The following TRAF5 variants were observed in gnomAD, a reference collection of about 807,000 sequenced individuals.
TRAF5 encodes the protein TNF receptor-associated factor 5.
In TRAF5, 48 loss-of-function variants were observed where a neutral mutation model predicts 64.5. The ratio of observed to expected loss-of-function variants is 0.74; its 90% CI spans 0.59 to 0.95. TRAF5 has a LOEUF of 0.95. Ranked by LOEUF, TRAF5 falls within the 40% of genes least tolerant of loss-of-function variation. The pLI, the probability that TRAF5 is intolerant of heterozygous loss-of-function variation, is 0.00. For synonymous variants in TRAF5, 206 were observed against 240.5 expected (o/e 0.86, Z 1.33); for missense variants, 545 against 662.8 (o/e 0.82, Z 1.95).
At chr1:211,371,523 C>G (rs1218079856) in intron 10 of TRAF5, 53 bp downstream of exon 10, 1 of 1,552,782 alleles carries the variant, frequency 6.4e-7, no homozygotes, top group Non-Finnish European at 8.7e-7. Flanking sequence ...TGCATGTGTT[C>G]ATGAAACAAC....
At chr1:211,357,434 G>C (rs917092642) in intron 4 of TRAF5, 1 of 152,188 alleles carries the variant, frequency 6.6e-6, no homozygotes, top group Non-Finnish European at 1.5e-5. Flanking sequence ...CCTAGAGCAA[G>C]GCCTTTTTTC....
At chr1:211,350,213 TC>T (rs1432714619) in intron 1 of TRAF5, among the ~76,000 whole-genome samples, 1 of 151,548 alleles carries the variant, frequency 6.6e-6, no homozygotes, top group African/African-American at 2.4e-5. Context: ...TTTTTTTTTT[TC>T]TTTCTTTTTT....
intron 1 of TRAF5, among the ~76,000 whole-genome samples, chr1:211,328,338 G>A (rs2102703720): frequency 6.6e-6 from 1 of 152,330 alleles, no homozygotes; most frequent in South Asian, 2.1e-4. Flanking sequence ...TGTTTTTGTT[G>A]TAACTCTATG....
chr1:211,362,929 C>T (rs531036908), intron 7 of TRAF5, among the ~76,000 whole-genome samples: 2 of 152,124 alleles, frequency 1.3e-5, no homozygotes, highest in African/African-American at 4.8e-5. Flanking sequence ...TAATAACCTA[C>T]TCAACTTAAT....
intron 6 of TRAF5, 142 bp from the exon 7 acceptor site, chr1:211,360,946 A>C: frequency 9.9e-7 from 1 of 1,010,806 alleles, no homozygotes; most frequent in Admixed American, 2.1e-5. Context: ...ACTCTCTTCA[A>C]CTTTCATCAT....
intron 1 of TRAF5, among the ~76,000 whole-genome samples, chr1:211,334,388 G>A (rs1049603412): frequency 1.3e-5 from 2 of 152,238 alleles, no homozygotes; most frequent in Non-Finnish European, 2.9e-5. Context: ...GCTGGGCGCG[G>A]TGGCTCATGC....
chr1:211,328,463 G>C (rs1702074723), intron 1 of TRAF5, among the ~76,000 whole-genome samples: 1 of 152,188 alleles, frequency 6.6e-6, no homozygotes, highest in Non-Finnish European at 1.5e-5. Flanking sequence ...CGGCCTCTGG[G>C]CTGAGAGGCC....
Position 211,354,397 on chromosome 1 carries a change from T to A in TRAF5, c.219-13T>A, listed in dbSNP as rs1446188266. On this transcript the variant is annotated splice_polypyrimidine_tract_variant and intron_variant, in intron 2 of 10. Transcript: ENST00000261464. ...ACAACTAACTCTGGCTCCATTTTAA[T>A]TTTTTTCTCCAGAGAATTAAACACA... The A allele has an allele frequency of 1.2e-6, 2 of 1,613,456 alleles. No homozygotes were observed. The highest frequency in any genetic ancestry group is 1.7e-6 in the Non-Finnish European group (2 of 1,179,574).
chr1:211,330,484 T>C (rs1261731473), intron 1 of TRAF5, among the ~76,000 whole-genome samples: 1 of 151,744 alleles, frequency 6.6e-6, no homozygotes, highest in Non-Finnish European at 1.5e-5. Flanking sequence ...GCAGGTTCCC[T>C]CCCTGCCTCC....
chr1:211,372,630 G>T lies in TRAF5; in HGVS notation c.1602G>T (p.Lys534Asn). The change falls in exon 11 of 11, where the codon AAG becomes AAT. Residue 534 changes from lysine to asparagine, a missense_variant. Lys to Asn is a moderately conservative substitution (Grantham distance 94). Transcript: ENST00000261464. ...FVAHSVLENA[K>N]NAYIKDDTLF... Reference sequence around the variant, plus strand: ...CTCATTCTGTTTTGGAGAATGCCAAGAACGCCTACATTAAAGATGACACTC... The same window carrying T: ...CTCATTCTGTTTTGGAGAATGCCAATAACGCCTACATTAAAGATGACACTC... The T allele has an allele frequency of 6.2e-7, 1 of 1,614,188 alleles. No individual in the cohort carries two copies. Among genetic ancestry groups the T allele is most frequent in the Non-Finnish European group, 8.5e-7 (1 of 1,180,022 alleles).
intron 6 of TRAF5, 31 bp downstream of exon 6, chr1:211,360,810 T>C: frequency 1.9e-6 from 3 of 1,579,596 alleles, no homozygotes; most frequent in South Asian, 1.1e-5. Context: ...CTGTAGATTT[T>C]ATGGAAGATA....
intron 1 of TRAF5, among the ~76,000 whole-genome samples, chr1:211,341,470 T>C (rs1702446219): frequency 6.6e-6 from 1 of 152,232 alleles, no homozygotes; most frequent in Non-Finnish European, 1.5e-5. Flanking sequence ...CCAGGCTGTA[T>C]ATGGCCTCAT....
At chr1:211,367,570 AAGAG>A (rs987553455) in intron 8 of TRAF5, among the ~76,000 whole-genome samples, 5 of 152,214 alleles carry the variant, frequency 3.3e-5, no homozygotes, top group African/African-American at 9.7e-5. Flanking sequence ...GTGGACTGGA[AAGAG>A]AGAGAGTATC....
At position 211,360,019 on chromosome 1, in the gene TRAF5, G is replaced by A. The variant is rs777113075; in HGVS notation, c.486G>A (p.Gln162=). Residue 162 remains glutamine (Q), a synonymous_variant, in exon 5 of 11, where the codon CAG becomes CAA. Transcript: ENST00000261464. ...AAGAGCATTTGAGTGCATCCTGTCA[G>A]TTTCGAAAGGAAAAATGCCTTTATT... ...DLKEHLSASC[Q]FRKEKCLYCK... is the part of the protein sequence containing the mutation. 15 of 1,614,030 alleles carry A rather than the reference G, an allele frequency of 9.3e-6. No individual in the cohort carries two copies. Among genetic ancestry groups the A allele is most frequent in the African/African-American group, 1.3e-5 (1 of 74,930 alleles).
intron 1 of TRAF5, chr1:211,346,401 C>A (rs752993161): frequency 3.0e-6 from 3 of 985,382 alleles, no homozygotes; most frequent in Non-Finnish European, 3.6e-6. Flanking sequence ...TGTGGGGTGT[C>A]CTGCTCACGG....
At chr1:211,347,011 A>C (rs959402048) in intron 1 of TRAF5, among the ~76,000 whole-genome samples, 3 of 152,162 alleles carry the variant, frequency 2.0e-5, no homozygotes, top group South Asian at 4.1e-4. Flanking sequence ...CACACTGTAC[A>C]TCCCATTGAT....
rs1336095123 is a variant in TRAF5, at chr1:211,350,395, AAAACAAAAAC to A, written c.-1-2840_-1-2831del. 6.3e-4 allele frequency among the ~76,000 whole-genome samples: 4 copies of A among 6,322 alleles called. No individual in the cohort carries two copies. The Non-Finnish European group carries it at 0.034, about 55-fold the overall frequency. The allele number at this position is 6,322 out of a possible 152,430, so 4.1% of individuals were successfully genotyped here. On this transcript the variant is annotated intron_variant, in intron 1 of 10. Coordinates refer to ENST00000261464, the MANE Select transcript of TRAF5 (RefSeq NM_001033910.3). ...TAGAGTGTGGTGTATTAGAAGAACA[AAAACAAAAAC>A]AAAAACAAAAACAAAAACCCTGTGT...
At chr1:211,360,970 C>G (rs1028305111) in intron 6 of TRAF5, 118 bp from the exon 7 acceptor site, 7 of 1,100,048 alleles carry the variant, frequency 6.4e-6, no homozygotes, top group South Asian at 2.7e-5. Context: ...TCTTTCTTGC[C>G]AGGCCTCTCT....
intron 1 of TRAF5, among the ~76,000 whole-genome samples, chr1:211,335,854 T>C (rs1289700098): frequency 6.6e-6 from 1 of 151,966 alleles, no homozygotes; most frequent in African/African-American, 2.4e-5. Flanking sequence ...GTGGGGAGAT[T>C]GGCCTAATTC....
Sources: allele counts gnomAD v4.1 joint callset (sites outside exome capture counted in the v4.1 genomes callset), GRCh38; gene constraint gnomAD v4.1.1; transcripts MANE v1.5; gene names NCBI Gene and HGNC (gene_info 2026-07-23, HGNC 2026-07-21).